Variants in LRRN3 observed in about 807,000 individuals in gnomAD.
The protein encoded by LRRN3 is leucine rich repeat neuronal 3, also known as leucine-rich repeat neuronal protein 3.
LRRN3 carries 15 observed loss-of-function variants against 40.1 expected under a neutral mutation model. The ratio of observed to expected loss-of-function variants is 0.37; its 90% confidence interval spans 0.25 to 0.58. The LOEUF (loss-of-function observed/expected upper bound fraction) is 0.58. Among genes scored for constraint, LRRN3 ranks in the 20% least tolerant of loss-of-function variants. The pLI is 0.72. For synonymous variants in LRRN3, 308 were observed against 297.2 expected (o/e 1.04, Z -0.37); for missense variants, 746 against 837.7 (o/e 0.89, Z 1.35).
At chr7:111,095,204 G>C (rs1412732835) in intron 1 of LRRN3, among the ~76,000 whole-genome samples, 1 of 151,972 alleles carries the variant, frequency 6.6e-6, no homozygotes, top group Non-Finnish European at 1.5e-5. Flanking sequence ...GACATTAGTA[G>C]CTAGTCTAAT....
At chr7:111,099,700 T>G (rs2129579717) in intron 1 of LRRN3, among the ~76,000 whole-genome samples, 181 bp from the exon 2 acceptor site, 1 of 151,834 alleles carries the variant, frequency 6.6e-6, no homozygotes, top group Non-Finnish European at 1.5e-5. Context: ...AAATGAAGTT[T>G]TTTTTTTGAA....
chr7:111,100,576 CTT>C (rs1326343032), intron 2 of LRRN3, among the ~76,000 whole-genome samples: 2 of 150,486 alleles, frequency 1.3e-5, no homozygotes, highest in African/African-American at 2.4e-5. Flanking sequence ...ATAATGAACA[CTT>C]AATATAATTC....
chr7:111,124,994 C>CAA lies in LRRN3; in HGVS notation c.*100_*101dup. Reference sequence around the variant, plus strand: ...AAACAAAACAAAACAAACAAACAAACAAAAAAGTAAAAAAAGATTACTTTC... The same window carrying CAA: ...AAACAAAACAAAACAAACAAACAAACAAAAAAAAGTAAAAAAAGATTACTTTC... On this transcript the variant is annotated 3_prime_UTR_variant, in exon 3 of 3. Coordinates refer to ENST00000308478, the MANE Select transcript of LRRN3 (RefSeq NM_001099658.2). 1 of 905,392 alleles carries CAA rather than the reference C, an allele frequency of 1.1e-6. No individual in the cohort carries two copies. The highest frequency in any genetic ancestry group is 1.6e-6 in the Non-Finnish European group (1 of 614,006). 56.1% of individuals were successfully genotyped at this position (905,392 alleles called of 1,614,324 possible).
intron 2 of LRRN3, among the ~76,000 whole-genome samples, chr7:111,121,524 A>T (rs1586417521): frequency 6.6e-6 from 1 of 152,208 alleles, no homozygotes; most frequent in Non-Finnish European, 1.5e-5. Context: ...TCAAAACCAC[A>T]ATGAGATACC....
intron 2 of LRRN3, among the ~76,000 whole-genome samples, chr7:111,121,299 T>C (rs560463790): frequency 3.9e-5 from 6 of 152,332 alleles, no homozygotes; most frequent in Admixed American, 1.3e-4. Context: ...TCTCCCATTC[T>C]GTAGGTTGCC....
chr7:111,122,178 A>T (rs1267646471), intron 2 of LRRN3, among the ~76,000 whole-genome samples: 1 of 152,058 alleles, frequency 6.6e-6, no homozygotes, highest in Admixed American at 6.6e-5. Flanking sequence ...CATATGTAAC[A>T]AACCTGCACG....
intron 2 of LRRN3, among the ~76,000 whole-genome samples, chr7:111,114,355 T>A (rs548965489): frequency 1.4e-4 from 22 of 152,166 alleles, no homozygotes; most frequent in African/African-American, 4.1e-4. Flanking sequence ...ACATAAAACG[T>A]GAATAAGCAT....
At chr7:111,092,214 A>C (rs1472677022) in intron 1 of LRRN3, among the ~76,000 whole-genome samples, 1 of 152,236 alleles carries the variant, frequency 6.6e-6, no homozygotes, top group African/African-American at 2.4e-5. Flanking sequence ...CTGATTGCTA[A>C]TGCAGCTGGA....
chr7:111,100,655 A>C (rs1797874619), intron 2 of LRRN3, among the ~76,000 whole-genome samples: 1 of 151,244 alleles, frequency 6.6e-6, no homozygotes, highest in Non-Finnish European at 1.5e-5. Flanking sequence ...TTGAAAATGC[A>C]TAGAGCCAAA....
chr7:111,122,833 C>A lies in LRRN3; in HGVS notation c.61C>A (p.Gln21Lys). 1 of 1,613,918 alleles carries A rather than the reference C, an allele frequency of 6.2e-7. No individual in the cohort carries two copies. The highest frequency in any genetic ancestry group is 8.5e-7 in the Non-Finnish European group (1 of 1,179,874). The change falls in exon 3 of 3, where the codon CAA (glutamine) becomes AAA (lysine). Residue 21 changes from glutamine to lysine, a missense_variant. Transcript: ENST00000308478. ...LLGLAITTLV[Q>K]AVDKKVDCPR... ...TGGCCTAGCTATCACTACACTAGTA[C>A]AAGCTGTAGATAAAAAAGTGGATTG...
chr7:111,117,135 A>C (rs1262468177), intron 2 of LRRN3, among the ~76,000 whole-genome samples: 1 of 152,144 alleles, frequency 6.6e-6, no homozygotes, highest in Non-Finnish European at 1.5e-5. Flanking sequence ...CACTGATCCT[A>C]AATTTGTTAA....
At chr7:111,114,954 ACAGGCATCAC>A (rs1463683396) in intron 2 of LRRN3, among the ~76,000 whole-genome samples, 1 of 152,132 alleles carries the variant, frequency 6.6e-6, no homozygotes, top group Non-Finnish European at 1.5e-5. Context: ...AATTTTACAG[ACAGGCATCAC>A]CCAAATAGAG....
At chr7:111,111,886 A>T (rs1799249037) in intron 2 of LRRN3, among the ~76,000 whole-genome samples, 1 of 150,338 alleles carries the variant, frequency 6.7e-6, no homozygotes, top group African/African-American at 2.4e-5. Context: ...GGTGACAGGA[A>T]AAAGGAAATG....
rs536900392 is a variant in LRRN3, at chr7:111,118,456, A to T, written c.-358-3959A>T. 2.8e-4 allele frequency among the ~76,000 whole-genome samples: 42 copies of T among 152,218 alleles called. No individual in the cohort carries two copies. The East Asian group carries it at 6.9e-3, about 25-fold the overall frequency. ...GGAATTGGATATATAAGATATGAGA[A>T]TTCTTACAATTGTTTGATTTTAACG... On this transcript the variant is annotated intron_variant, in intron 2 of 2. Coordinates refer to ENST00000308478, the MANE Select transcript of LRRN3 (RefSeq NM_001099658.2).
In LRRN3 at chr7:111,123,496, T is replaced by G; in HGVS notation, c.724T>G (p.Ser242Ala). ...LVGLENLESI[S>A]FYDNRLIKVP... ...TGGACTGGAAAACTTAGAAAGCATCTCTTTTTACGATAACAGGCTTATTAA... is the reference window on the plus strand; with the variant it reads ...TGGACTGGAAAACTTAGAAAGCATCGCTTTTTACGATAACAGGCTTATTAA... The change falls in exon 3 of 3, where the codon TCT becomes GCT. Residue 242 changes from serine to alanine, a missense_variant. Coordinates refer to ENST00000308478, the MANE Select transcript of LRRN3 (RefSeq NM_001099658.2). This position sits in a 1 kb window ranked among gnomAD's most constrained non-coding sequence, Gnocchi z 6.4. 1 of 1,613,874 alleles carries G rather than the reference T, an allele frequency of 6.2e-7. No individual in the cohort carries two copies. Among genetic ancestry groups the G allele is most frequent in the Non-Finnish European group, 8.5e-7 (1 of 1,179,942 alleles).
At chr7:111,111,300 A>G (rs1262585941) in intron 2 of LRRN3, among the ~76,000 whole-genome samples, 3 of 102,224 alleles carry the variant, frequency 2.9e-5, no homozygotes, top group Non-Finnish European at 5.3e-5. Context: ...TAGCAGTTGT[A>G]AAAAAAAAAA....
intron 1 of LRRN3, among the ~76,000 whole-genome samples, chr7:111,095,918 T>C (rs1797352511): frequency 6.6e-6 from 1 of 151,856 alleles, no homozygotes; most frequent in Non-Finnish European, 1.5e-5. Flanking sequence ...CATCCCAACT[T>C]ACTTTTTGAT....
Position 111,123,926 on chromosome 7 carries a change from A to C in LRRN3, c.1154A>C (p.Asn385Thr). 1 of 1,613,992 alleles carries C rather than the reference A, an allele frequency of 6.2e-7. No homozygotes were observed. Among genetic ancestry groups the C allele is most frequent in the South Asian group, 1.1e-5 (1 of 91,082 alleles). The change falls in exon 3 of 3, where the codon AAC becomes ACC. Residue 385 changes from asparagine to threonine, a missense_variant. Coordinates refer to ENST00000308478, the MANE Select transcript of LRRN3 (RefSeq NM_001099658.2). This position sits in a 1 kb window ranked among gnomAD's most constrained non-coding sequence, Gnocchi z 6.4. ...CGTTGGATGAACATGAACAAAACCA[A>C]CATTCGATTCATGGAGCCAGATTCA... ...VIRWMNMNKT[N>T]IRFMEPDSLF...
At chr7:111,114,750 A>AG (rs1799666588) in intron 2 of LRRN3, among the ~76,000 whole-genome samples, 2 of 151,790 alleles carry the variant, frequency 1.3e-5, no homozygotes, top group African/African-American at 4.8e-5. Flanking sequence ...AAAAAAAAAA[A>AG]AAAGAAAGAA....
Sources: gnomAD v4.1 joint callset for allele counts (sites outside exome capture counted in the v4.1 genomes callset) on GRCh38, gnomAD v4.1.1 for gene constraint, Gnocchi (gnomAD v3.1) non-coding constraint, MANE v1.5 for transcripts, NCBI Gene and HGNC (gene_info 2026-07-23, HGNC 2026-07-21) for gene names.